The following CAAP1 variants were observed in gnomAD, a reference collection of about 807,000 sequenced individuals.
CAAP1 encodes caspase activity and apoptosis inhibitor 1.
Under a neutral mutation model 34.0 loss-of-function variants are expected in CAAP1, and 20 were observed. That is an observed-to-expected ratio of 0.59 (90% CI 0.41 to 0.86). The LOEUF (loss-of-function observed/expected upper bound fraction) is 0.86. Among genes scored for constraint, CAAP1 ranks in the 40% least tolerant of loss-of-function variants. The pLI is 0.00. For missense variants in CAAP1, 538 were observed against 450.5 expected (o/e 1.19, Z -1.76); for synonymous variants, 213 against 166.7 (o/e 1.28, Z -2.14).
intron 5 of CAAP1, among the ~76,000 whole-genome samples, chr9:26,847,791 G>C (rs899177376): frequency 6.9e-6 from 1 of 143,912 alleles, no homozygotes; most frequent in African/African-American, 2.6e-5. Flanking sequence ...TTTTCCCTTT[G>C]TTTATTCCCT....
chr9:26,864,572 C>T (rs1042548731), intron 4 of CAAP1, among the ~76,000 whole-genome samples: 1 of 152,194 alleles, frequency 6.6e-6, no homozygotes, highest in African/African-American at 2.4e-5. Flanking sequence ...ACCTGTGATT[C>T]TCTAAGGCTT....
chr9:26,848,230 T>G (rs1822662608), intron 5 of CAAP1, among the ~76,000 whole-genome samples: 1 of 152,172 alleles, frequency 6.6e-6, no homozygotes, highest in African/African-American at 2.4e-5. Context: ...AGTTCTTATA[T>G]GTGGCCAGGC....
At chr9:26,876,557 G>T (rs1823437607) in intron 4 of CAAP1, among the ~76,000 whole-genome samples, 1 of 148,530 alleles carries the variant, frequency 6.7e-6, no homozygotes, top group South Asian at 2.1e-4. Flanking sequence ...CTGTACAGGT[G>T]TATCATTTAT....
intron 5 of CAAP1, among the ~76,000 whole-genome samples, chr9:26,853,834 T>C (rs1822809314): frequency 6.6e-6 from 1 of 152,156 alleles, no homozygotes; most frequent in Admixed American, 6.5e-5. Flanking sequence ...CAGATAGATA[T>C]GAAAAAATTT....
rs1822655431 is a variant in CAAP1, at chr9:26,847,854, A to C, written c.740-5207T>G. 2.0e-5 allele frequency among the ~76,000 whole-genome samples: 3 copies of C among 151,848 alleles called. No individual in the cohort carries two copies. The South Asian group carries it at 6.3e-4, about 32-fold the overall frequency. On this transcript the variant is annotated intron_variant, in intron 5 of 5. Transcript: ENST00000333916. ...CTGTTTATTAGTTTTGTCATCAGTT[A>C]ATTTACAACTTATGTTATTATTTTA...
intron 4 of CAAP1, among the ~76,000 whole-genome samples, chr9:26,871,549 C>A (rs1351664537): frequency 1.3e-5 from 2 of 150,394 alleles, no homozygotes; most frequent in African/African-American, 4.9e-5. Flanking sequence ...TGCACTCCAG[C>A]CTTGGTGACA....
At position 26,871,914 on chromosome 9, in the gene CAAP1, AAAATAAAT is replaced by A. The variant is rs539844823; in HGVS notation, c.666-10783_666-10776del. Among the ~76,000 whole-genome samples, 667 of 149,768 alleles carry A rather than the reference AAAATAAAT, an allele frequency of 4.5e-3. 8 individuals are homozygous for A. The highest frequency in any genetic ancestry group is 0.016 in the African/African-American group (633 of 39,492). On this transcript the variant is annotated intron_variant, in intron 4 of 5. Coordinates refer to ENST00000333916, the MANE Select transcript of CAAP1 (RefSeq NM_024828.4). ...GGGCGACAGAGCCAGACTTCATCTCAAAATAAATAAATAAATAAATAAATAAATAAAAT... is the reference window on the plus strand; with the variant it reads ...GGGCGACAGAGCCAGACTTCATCTCAAAATAAATAAATAAATAAATAAAAT...
rs1587134960 is a variant in CAAP1, at chr9:26,892,131, C to G, written c.303+282G>C. The G allele has an allele frequency of 6.9e-6, 5 of 721,606 alleles. No individual in the cohort carries two copies. In the South Asian group the frequency reaches 1.0e-4, roughly 14 times the overall value. The allele number at this position is 721,606 out of a possible 1,614,324, so 44.7% of individuals were successfully genotyped here. ...AGGCTAGCTTCCAACTCGTATTCTTCCGGCAGAGTGAAACCATAGGAGTGG... is the reference window on the plus strand; with the variant it reads ...AGGCTAGCTTCCAACTCGTATTCTTGCGGCAGAGTGAAACCATAGGAGTGG... On this transcript the variant is annotated intron_variant, in intron 1 of 5. Transcript: ENST00000333916.
At chr9:26,868,136 T>C (rs1160185716) in intron 4 of CAAP1, among the ~76,000 whole-genome samples, 1 of 152,230 alleles carries the variant, frequency 6.6e-6, no homozygotes, top group Non-Finnish European at 1.5e-5. Flanking sequence ...CCTTCCTTAT[T>C]ATGCTAGGCT....
At chr9:26,878,007 A>C (rs1397941349) in intron 4 of CAAP1, among the ~76,000 whole-genome samples, 1 of 152,010 alleles carries the variant, frequency 6.6e-6, no homozygotes, top group African/African-American at 2.4e-5. Context: ...AAGCCTTCTA[A>C]CTTACTCGAC....
chr9:26,873,879 C>T (rs1245028928), intron 4 of CAAP1, among the ~76,000 whole-genome samples: 1 of 152,006 alleles, frequency 6.6e-6, no homozygotes, highest in Non-Finnish European at 1.5e-5. Flanking sequence ...GGTGACAATA[C>T]CATTCCTCGC....
At chr9:26,854,970 C>T (rs554210076) in intron 5 of CAAP1, among the ~76,000 whole-genome samples, 2 of 152,276 alleles carry the variant, frequency 1.3e-5, no homozygotes, top group African/African-American at 4.8e-5. Context: ...CTTTGGAATA[C>T]AATTAAGCAA....
chr9:26,858,996 CA>C (rs397790530), intron 5 of CAAP1, among the ~76,000 whole-genome samples: 1,387 of 65,534 alleles, frequency 0.021, 3 homozygotes, highest in African/African-American at 0.043. Flanking sequence ...GAGACTGTCT[CA>C]AAAAAAAAAA....
intron 4 of CAAP1, chr9:26,869,929 C>T: frequency 1.0e-6 from 1 of 984,218 alleles, no homozygotes; most frequent in Non-Finnish European, 1.2e-6. Flanking sequence ...AAAATACCTG[C>T]TAATCATCTA....
intron 4 of CAAP1, among the ~76,000 whole-genome samples, chr9:26,866,534 ATAAG>A (rs1372728694): frequency 6.6e-6 from 1 of 152,362 alleles, no homozygotes; most frequent in South Asian, 2.1e-4. Flanking sequence ...TATAATTCAA[ATAAG>A]TAAGTTGTTA....
At chr9:26,888,886 C>G (rs569044628) in intron 1 of CAAP1, among the ~76,000 whole-genome samples, 2 of 152,116 alleles carry the variant, frequency 1.3e-5, no homozygotes, top group African/African-American at 4.8e-5. Context: ...TGCTGTATAG[C>G]GTTATCTATA....
intron 5 of CAAP1, among the ~76,000 whole-genome samples, chr9:26,858,006 C>T (rs1822912402): frequency 6.6e-6 from 1 of 152,278 alleles, no homozygotes; most frequent in East Asian, 1.9e-4. Context: ...TAATAGGTCA[C>T]ATGATATGAT....
intron 4 of CAAP1, among the ~76,000 whole-genome samples, chr9:26,862,695 G>C (rs1823031114): frequency 6.6e-6 from 1 of 152,134 alleles, no homozygotes; most frequent in Non-Finnish European, 1.5e-5. Context: ...TAACTGACCT[G>C]AGACTGCTGA....
In CAAP1 at chr9:26,877,184, C is replaced by G. The variant is rs572826657; in HGVS notation, c.665+7626G>C. Among the ~76,000 whole-genome samples the G allele has an allele frequency of 2.5e-3, 381 of 152,146 alleles. 2 individuals carry two copies. The highest frequency in any genetic ancestry group is 8.9e-3 in the African/African-American group (369 of 41,528). On this transcript the variant is annotated intron_variant, in intron 4 of 5. Transcript: ENST00000333916. ...ATAAATAAATATTGTATAAAATTAC[C>G]TTCGGACTACATGTATCAAGATGTA...
Sources: gnomAD v4.1 joint callset for allele counts (sites outside exome capture counted in the v4.1 genomes callset) on GRCh38, gnomAD v4.1.1 for gene constraint, MANE v1.5 for transcripts, NCBI Gene and HGNC (gene_info 2026-07-23, HGNC 2026-07-21) for gene names.